The following KCNIP4 variants were observed in gnomAD, a reference collection of about 807,000 sequenced individuals.
KCNIP4 encodes the protein Kv channel-interacting protein 4.
Under a neutral mutation model 34.0 loss-of-function variants are expected in KCNIP4, and 12 were observed. That is an observed-to-expected ratio of 0.35 (90% CI 0.23 to 0.57). The LOEUF (loss-of-function observed/expected upper bound fraction) is 0.57, where lower values mean the gene tolerates loss of function less well. KCNIP4 is among the 20% of genes least tolerant of loss of function. KCNIP4 has a pLI of 0.83. For synonymous variants in KCNIP4, 124 were observed against 102.2 expected (o/e 1.21, Z -1.29); for missense variants, 238 against 311.7 (o/e 0.76, Z 1.78).
At position 21,108,296 on chromosome 4, in the gene KCNIP4, G is replaced by C. The variant is rs28762765; in HGVS notation, c.62-225587C>G. ...CCCATATTTCTTGGAGGCTTTGCTC[G>C]TTTCTTTTTATTTTTTCTCTAAACT... On this transcript the variant is annotated intron_variant, in intron 1 of 8. Transcript: ENST00000382152. Among the ~76,000 whole-genome samples the C allele has an allele frequency of 3.3e-5, 4 of 120,738 alleles. 1 individual carries two copies. Among genetic ancestry groups the C allele is most frequent in the Non-Finnish European group, 6.9e-5 (4 of 58,158 alleles). The allele number at this position is 120,738 out of a possible 152,430, so 79.2% of individuals were successfully genotyped here.
intron 1 of KCNIP4, among the ~76,000 whole-genome samples, chr4:21,058,673 A>G (rs1285278357): frequency 1.3e-5 from 2 of 152,134 alleles, no homozygotes; most frequent in Admixed American, 1.3e-4. Context: ...ATAATTAAAA[A>G]CATATAAGGA....
chr4:21,251,066 A>G (rs1027330497), intron 1 of KCNIP4, among the ~76,000 whole-genome samples: 2 of 152,070 alleles, frequency 1.3e-5, no homozygotes, highest in Non-Finnish European at 2.9e-5. Flanking sequence ...TTGAAGAAAT[A>G]GACTCAATTT....
intron 1 of KCNIP4, among the ~76,000 whole-genome samples, chr4:21,319,526 C>T (rs1349440891): frequency 6.6e-6 from 1 of 152,238 alleles, no homozygotes; most frequent in Admixed American, 6.5e-5. Context: ...TTCTCCTGGA[C>T]ATTCCACTGT....
chr4:21,368,089 T>A lies in KCNIP4; in HGVS notation c.62-485380A>T, dbSNP rs771604619. On this transcript the variant is annotated intron_variant, in intron 1 of 8. Coordinates refer to ENST00000382152, the MANE Select transcript of KCNIP4 (RefSeq NM_025221.6). ...GGTGGGATTTGGATTCAGCAAGATG[T>A]GAGTTTGAATTCCAGCTCTATCACT... Among the ~76,000 whole-genome samples, 64 of 147,350 alleles carry A rather than the reference T, an allele frequency of 4.3e-4. 1 individual carries two copies. Among genetic ancestry groups the A allele is most frequent in the Non-Finnish European group, 7.8e-4 (53 of 68,010 alleles).
intron 1 of KCNIP4, among the ~76,000 whole-genome samples, chr4:21,152,895 C>G (rs141420233): frequency 6.6e-6 from 1 of 152,082 alleles, no homozygotes; most frequent in Admixed American, 6.6e-5. Flanking sequence ...CGAAACAATC[C>G]CCACCCCCCA....
intron 2 of KCNIP4, 154 bp downstream of exon 2, chr4:20,882,454 A>G (rs1724801286): frequency 9.6e-6 from 6 of 626,652 alleles, no homozygotes; most frequent in Non-Finnish European, 2.8e-6. Context: ...TAATTGCCCA[A>G]ATGTTCTCCT....
intron 1 of KCNIP4, among the ~76,000 whole-genome samples, chr4:21,527,411 A>G (rs1159246748): frequency 6.6e-6 from 1 of 152,124 alleles, no homozygotes; most frequent in South Asian, 2.1e-4. Flanking sequence ...TTTTACACTC[A>G]TGGAAGATGT....
chr4:21,919,014 AAGAC>A (rs1419109197), intron 1 of KCNIP4, among the ~76,000 whole-genome samples: 3 of 152,144 alleles, frequency 2.0e-5, no homozygotes, highest in African/African-American at 4.8e-5. Flanking sequence ...AACATCTTAT[AAGAC>A]AGAACAAGAG....
At chr4:21,402,613 GTTTTCAGCT>G (rs958647654) in intron 1 of KCNIP4, among the ~76,000 whole-genome samples, 1 of 152,078 alleles carries the variant, frequency 6.6e-6, no homozygotes, top group African/African-American at 2.4e-5. Flanking sequence ...GTATTCTAAA[GTTTTCAGCT>G]CTGCAATGAA....
Position 20,918,191 on chromosome 4 carries a change from C to T in KCNIP4, c.62-35482G>A, listed in dbSNP as rs528098123. Among the ~76,000 whole-genome samples, 15 of 152,052 alleles carry T rather than the reference C, an allele frequency of 9.9e-5. No individual in the cohort carries two copies. The East Asian group carries it at 2.1e-3, about 22-fold the overall frequency. ...TCCAGACAGGGCTACTCTGCTAAAC[C>T]GTCAAGCAGATGAGGTGTTAATCTT... On this transcript the variant is annotated intron_variant, in intron 1 of 8. Coordinates refer to ENST00000382152, the MANE Select transcript of KCNIP4 (RefSeq NM_025221.6).
chr4:21,575,004 T>C (rs935693161), intron 1 of KCNIP4, among the ~76,000 whole-genome samples: 3 of 152,178 alleles, frequency 2.0e-5, no homozygotes, highest in Non-Finnish European at 4.4e-5. Flanking sequence ...AATTATGTAA[T>C]GTGTATGTCA....
chr4:21,769,273 T>C, intron 1 of KCNIP4, among the ~76,000 whole-genome samples: 1 of 152,256 alleles, frequency 6.6e-6, no homozygotes, highest in Admixed American at 6.6e-5. Flanking sequence ...TTCATATCTA[T>C]TAACCGTTTC....
intron 1 of KCNIP4, among the ~76,000 whole-genome samples, chr4:20,903,648 A>G (rs1727406044): frequency 6.6e-6 from 1 of 152,062 alleles, no homozygotes; most frequent in South Asian, 2.1e-4. Context: ...TCTTAAGTGT[A>G]TTTGATTGAT....
At chr4:21,171,926 TC>T (rs1257396781) in intron 1 of KCNIP4, among the ~76,000 whole-genome samples, 1 of 152,200 alleles carries the variant, frequency 6.6e-6, no homozygotes, top group Admixed American at 6.5e-5. Flanking sequence ...CAAACTCTGA[TC>T]ATTGAATCGA....
intron 1 of KCNIP4, among the ~76,000 whole-genome samples, chr4:20,903,870 A>T (rs1727430230): frequency 1.3e-5 from 2 of 152,164 alleles, no homozygotes. Flanking sequence ...TGAGCTGGTT[A>T]CTTGAGCAGA....
chr4:21,114,560 A>T (rs927900774), intron 1 of KCNIP4, among the ~76,000 whole-genome samples: 2 of 152,152 alleles, frequency 1.3e-5, no homozygotes, highest in Non-Finnish European at 2.9e-5. Context: ...CTACATTCTC[A>T]TCTGGGTCAT....
At chr4:21,035,750 ATTT>A (rs1741392079) in intron 1 of KCNIP4, among the ~76,000 whole-genome samples, 1 of 152,106 alleles carries the variant, frequency 6.6e-6, no homozygotes. Context: ...TCCTGTTTAC[ATTT>A]TCTAGTGCCT....
At chr4:20,913,881 C>T (rs751889303) in intron 1 of KCNIP4, among the ~76,000 whole-genome samples, 42 of 152,028 alleles carry the variant, frequency 2.8e-4, no homozygotes, top group Admixed American at 2.2e-3. Context: ...CATGGCCAGG[C>T]GCGGTGGCTC....
chr4:21,626,594 A>T (rs1745343682), intron 1 of KCNIP4, among the ~76,000 whole-genome samples: 1 of 152,014 alleles, frequency 6.6e-6, no homozygotes, highest in South Asian at 2.1e-4. Context: ...TGGCAGCCCA[A>T]GCAGACTAAG....
Sources: allele counts gnomAD v4.1 joint callset (sites outside exome capture counted in the v4.1 genomes callset), GRCh38; gene constraint gnomAD v4.1.1; transcripts MANE v1.5; gene names NCBI Gene and HGNC (gene_info 2026-07-23, HGNC 2026-07-21).